The following DHX36 variants were observed in gnomAD, a reference collection of about 807,000 sequenced individuals.
The protein encoded by DHX36 is ATP-dependent DNA/RNA helicase DHX36.
A neutral mutation model predicts 139.0 loss-of-function variants in DHX36; 50 were observed. The ratio of observed to expected loss-of-function variants is 0.36; its 90% confidence interval spans 0.29 to 0.46. DHX36 has a LOEUF of 0.46. Ranked by LOEUF, DHX36 falls within the 20% of genes least tolerant of loss-of-function variation. The pLI, the probability that DHX36 is intolerant of heterozygous loss-of-function variation, is 1.00. For synonymous variants in DHX36, 425 were observed against 401.9 expected, an observed-to-expected ratio of 1.06 and a Z score of -0.69; for missense variants, 1,024 against 1,211.3, an observed-to-expected ratio of 0.85 and a Z score of 2.29.
intron 6 of DHX36, 124 bp from the exon 7 acceptor site, chr3:154,305,292 T>G (rs1485683370): frequency 6.3e-6 from 5 of 796,860 alleles, no homozygotes; most frequent in African/African-American, 1.8e-5. Flanking sequence ...CACACTTAAT[T>G]TTTTACTTAT....
At chr3:154,313,704 A>G (rs1277083466) in intron 3 of DHX36, among the ~76,000 whole-genome samples, 1 of 152,136 alleles carries the variant, frequency 6.6e-6, no homozygotes, top group Non-Finnish European at 1.5e-5. Flanking sequence ...ACATACACGC[A>G]CACATATATA....
intron 24 of DHX36, 56 bp downstream of exon 24, chr3:154,276,691 C>G: frequency 6.4e-7 from 1 of 1,550,392 alleles, no homozygotes; most frequent in Non-Finnish European, 8.9e-7. Flanking sequence ...AACAAAACCA[C>G]ATGACCACAT....
chr3:154,314,133 T>G (rs1467777543), intron 3 of DHX36, among the ~76,000 whole-genome samples: 4 of 152,234 alleles, frequency 2.6e-5, no homozygotes, highest in Non-Finnish European at 5.9e-5. Context: ...AAAGCAGCTC[T>G]TCTCAACCAG....
At chr3:154,280,458 A>T (rs1391235302) in intron 22 of DHX36, 121 bp downstream of exon 22, 5 of 704,272 alleles carry the variant, frequency 7.1e-6, no homozygotes, top group Non-Finnish European at 1.2e-5. Context: ...GATTAAAAGA[A>T]CAAGAATATA....
chr3:154,292,402 C>T (rs1242760876), intron 15 of DHX36, 149 bp downstream of exon 15: 1 of 1,120,758 alleles, frequency 8.9e-7, no homozygotes, highest in East Asian at 2.5e-5. Context: ...ACGATTAGAA[C>T]AACTTTCCTA....
chr3:154,322,232 G>GTAT (rs1441819511), intron 1 of DHX36, among the ~76,000 whole-genome samples: 1 of 152,200 alleles, frequency 6.6e-6, no homozygotes, highest in Non-Finnish European at 1.5e-5. Flanking sequence ...CGTTGAAGCC[G>GTAT]TATTACCAAG....
intron 17 of DHX36, among the ~76,000 whole-genome samples, chr3:154,287,430 G>A (rs772211114): frequency 9.2e-5 from 14 of 152,034 alleles, no homozygotes; most frequent in African/African-American, 1.7e-4. Flanking sequence ...TGAGGTGTGC[G>A]GATCACTTGA....
Position 154,288,849 on chromosome 3 carries a change from C to T in DHX36, c.2031+17G>A. The stretch of plus-strand genomic sequence containing the variant: ...GTATTCTAAGTTAGAATTAAAAAAA[C>T]AAGAAAACAAATTTACCAGCTCCAT... On this transcript the variant is annotated intron_variant, in intron 17 of 24. Coordinates refer to ENST00000496811, the MANE Select transcript of DHX36 (RefSeq NM_020865.3). The T allele has an allele frequency of 2.1e-6, 3 of 1,456,258 alleles. No individual in the cohort carries two copies. The highest frequency in any genetic ancestry group is 2.8e-6 in the Non-Finnish European group (3 of 1,080,390). The allele number at this position is 1,456,258 out of a possible 1,614,324, so 90.2% of individuals were successfully genotyped here.
chr3:154,295,615 A>G (rs1377668095), intron 12 of DHX36, among the ~76,000 whole-genome samples: 13 of 152,146 alleles, frequency 8.5e-5, no homozygotes, highest in African/African-American at 4.8e-5. Flanking sequence ...TCAAGCTAAC[A>G]TTTTGTTCTG....
chr3:154,315,333 T>C (rs888864132), intron 2 of DHX36, 53 bp from the exon 3 acceptor site: 2 of 1,312,660 alleles, frequency 1.5e-6, no homozygotes, highest in Non-Finnish European at 2.1e-6. Flanking sequence ...ACTCAAACAC[T>C]GGAACAAAAC....
chr3:154,298,054 A>G lies in DHX36; in HGVS notation c.1549+1784T>C, dbSNP rs563418180. ...ATTTTTTTCAACATAATTTGAGAAAAAACACTCAAGTTCTGGAAAGATTTC... is the reference window on the plus strand; with the variant it reads ...ATTTTTTTCAACATAATTTGAGAAAGAACACTCAAGTTCTGGAAAGATTTC... On this transcript the variant is annotated intron_variant, in intron 12 of 24. Transcript: ENST00000496811. 7.9e-5 allele frequency among the ~76,000 whole-genome samples: 12 copies of G among 152,326 alleles called. No individual in the cohort carries two copies. In the South Asian group the frequency reaches 2.5e-3, roughly 32 times the overall value.
intron 3 of DHX36, chr3:154,312,317 A>C (rs544418220): frequency 6.6e-6 from 1 of 152,316 alleles, no homozygotes; most frequent in South Asian, 2.1e-4. Flanking sequence ...AATGAATTTC[A>C]AATGTGTTAA....
At chr3:154,282,332 A>G (rs1406791112) in intron 20 of DHX36, among the ~76,000 whole-genome samples, 3 of 152,064 alleles carry the variant, frequency 2.0e-5, no homozygotes, top group Non-Finnish European at 2.9e-5. Context: ...TCCTATGGCA[A>G]TAACTTGTTT....
At chr3:154,300,866 C>T (rs1712241749) in intron 10 of DHX36, 121 bp downstream of exon 10, 31 of 1,414,478 alleles carry the variant, frequency 2.2e-5, no homozygotes, top group Non-Finnish European at 2.9e-5. Flanking sequence ...ATATTTAGCT[C>T]GAATAAGAGA....
chr3:154,297,884 A>T (rs1712105898), intron 12 of DHX36, among the ~76,000 whole-genome samples: 1 of 152,176 alleles, frequency 6.6e-6, no homozygotes. Context: ...ATGAGAACAA[A>T]ATCTATACTC....
chr3:154,280,515 T>G, intron 22 of DHX36, 64 bp downstream of exon 22: 2 of 1,146,508 alleles, frequency 1.7e-6, no homozygotes, highest in Non-Finnish European at 2.6e-6. Context: ...CCTTGTTACA[T>G]GAGCAGATTT....
At chr3:154,280,944 G>C in intron 20 of DHX36, 82 bp from the exon 21 acceptor site, 2 of 1,025,278 alleles carry the variant, frequency 2.0e-6, no homozygotes, top group South Asian at 3.0e-5. Context: ...GATAAATTGA[G>C]TTGTAAGCTA....
In DHX36 at chr3:154,288,974, G is replaced by C; in HGVS notation, c.1933-10C>G. 7.1e-7 allele frequency: 1 copy of C among 1,399,134 alleles called. No homozygotes were observed. The highest frequency in any genetic ancestry group is 9.8e-7 in the Non-Finnish European group (1 of 1,019,330). 86.7% of individuals were successfully genotyped at this position (1,399,134 alleles called of 1,614,324 possible). On this transcript the variant is annotated splice_polypyrimidine_tract_variant and intron_variant, in intron 16 of 24. Transcript: ENST00000496811. The stretch of plus-strand genomic sequence containing the variant: ...CACCTAGCCTTAAAATCTAAGTGGG[G>C]GAGACAAATATTATTAAATACATAT...
intron 11 of DHX36, 35 bp downstream of exon 11, chr3:154,300,559 A>G (rs1161761948): frequency 7.8e-6 from 12 of 1,535,440 alleles, no homozygotes; most frequent in Non-Finnish European, 9.9e-6. Flanking sequence ...TAAAATTAAA[A>G]TTATGTTAAC....
Sources: allele counts gnomAD v4.1 joint callset (sites outside exome capture counted in the v4.1 genomes callset), GRCh38; gene constraint gnomAD v4.1.1; transcripts MANE v1.5; gene names NCBI Gene and HGNC (gene_info 2026-07-23, HGNC 2026-07-21).